TMOD2: variants seen among roughly 807,000 people sequenced by gnomAD.
The protein encoded by TMOD2 is tropomodulin 2, also known as tropomodulin-2.
TMOD2 carries 22 observed loss-of-function variants against 39.9 expected under a neutral mutation model. That is an observed-to-expected ratio of 0.55 (90% CI 0.39 to 0.79). The LOEUF (loss-of-function observed/expected upper bound fraction) is 0.79, where lower values mean the gene tolerates loss of function less well. Ranked by LOEUF, TMOD2 falls within the 30% of genes least tolerant of loss-of-function variation. The probability of loss-of-function intolerance (pLI) is 0.00; values close to 1 mark genes in which losing one functional copy is unlikely to be tolerated. For synonymous variants in TMOD2, 123 were observed against 146.1 expected, an observed-to-expected ratio of 0.84 and a Z score of 1.14; for missense variants, 386 against 413.3, an observed-to-expected ratio of 0.93 and a Z score of 0.57.
Position 51,798,180 on chromosome 15 carries a change from T to TC in TMOD2, c.733-16dup, listed in dbSNP as rs371377785. 3.5e-5 allele frequency: 55 copies of TC among 1,566,012 alleles called. No homozygotes were observed. The African/African-American group carries it at 5.1e-4, about 15-fold the overall frequency. The stretch of plus-strand genomic sequence containing the variant: ...TTCTAACTTAATTCTAAGTTTTTTT[T>TC]CTTTTTGCATCATAAGGCTTTTGCA... On this transcript the variant is annotated splice_polypyrimidine_tract_variant and intron_variant, in intron 7 of 9. Transcript: ENST00000249700.
rs111516658 is a variant in TMOD2 at position 51,757,244 on chromosome 15, A to G, written c.-70+5532A>G. 9.2e-3 allele frequency among the ~76,000 whole-genome samples: 1,396 copies of G among 152,168 alleles called. 14 individuals are homozygous for G. The highest frequency in any genetic ancestry group is 0.018 in the African/African-American group (761 of 41,524). ...TGGTGAAACCCCGTCTCTACTAAAA[A>G]TACAAAAATTAGCTGGGCGTGGTGG... On this transcript the variant is annotated intron_variant, in intron 1 of 9. Transcript: ENST00000249700.
At chr15:51,788,025 G>C (rs2055982969) in intron 7 of TMOD2, among the ~76,000 whole-genome samples, 1 of 152,204 alleles carries the variant, frequency 6.6e-6, no homozygotes, top group Non-Finnish European at 1.5e-5. Flanking sequence ...ACAGAAGTAA[G>C]CTTCAGAAGG....
intron 6 of TMOD2, among the ~76,000 whole-genome samples, chr15:51,781,421 C>T (rs1056573920): frequency 2.6e-5 from 4 of 152,200 alleles, no homozygotes; most frequent in African/African-American, 9.7e-5. Context: ...TAACAAATTA[C>T]TCCAAAACTT....
rs547730151 is a variant in TMOD2 at position 51,777,492 on chromosome 15, A to G, written c.493+474A>G. Among the ~76,000 whole-genome samples the G allele has an allele frequency of 4.6e-5, 7 of 152,314 alleles. No homozygotes were observed. The East Asian group carries it at 1.3e-3, about 29-fold the overall frequency. On this transcript the variant is annotated intron_variant, in intron 5 of 9. Coordinates refer to ENST00000249700, the MANE Select transcript of TMOD2 (RefSeq NM_014548.4). ...TGAATGTCCACTTCCCTCAGAGGGC[A>G]TGAAAGACACGCTGGCATGGACTTA... is the stretch of plus-strand genomic sequence containing the variant.
rs1474393962 is a variant in TMOD2, at chr15:51,813,740, A to G, written c.*5286A>G. 6.6e-6 allele frequency: 1 copy of G among 152,238 alleles called. No homozygotes were observed. Among genetic ancestry groups the G allele is most frequent in the Non-Finnish European group, 1.5e-5 (1 of 68,040 alleles). 9.4% of individuals were successfully genotyped at this position (152,238 alleles called of 1,614,324 possible). A position where few individuals can be genotyped will look rare whatever the true frequency, so the allele number is the denominator to read the frequency against. On this transcript the variant is annotated 3_prime_UTR_variant, in exon 10 of 10. Coordinates refer to ENST00000249700, the MANE Select transcript of TMOD2 (RefSeq NM_014548.4). ...CTCAAGCCTAAGGTTCTTCAGCTAT[A>G]AAATGGGAATAATACTTCACTAACT... is the stretch of plus-strand genomic sequence containing the variant.
At chr15:51,752,117 C>T (rs1232101730) in intron 1 of TMOD2, among the ~76,000 whole-genome samples, 3 of 152,144 alleles carry the variant, frequency 2.0e-5, no homozygotes, top group East Asian at 1.9e-4. Context: ...GCTCCTGGAG[C>T]GGTATGCATC....
chr15:51,792,323 A>C (rs1443759696), intron 7 of TMOD2, among the ~76,000 whole-genome samples: 1 of 152,234 alleles, frequency 6.6e-6, no homozygotes, highest in Non-Finnish European at 1.5e-5. Context: ...ATACCATCTC[A>C]TGCCGGTTAG....
chr15:51,806,036 A>G (rs1020035405), intron 8 of TMOD2, among the ~76,000 whole-genome samples: 1 of 152,270 alleles, frequency 6.6e-6, no homozygotes, highest in Admixed American at 6.5e-5. Flanking sequence ...CCCTTTGTTT[A>G]AACCACAGAT....
In TMOD2 at chr15:51,808,856, G is replaced by T. The variant is rs1039757451; in HGVS notation, c.*402G>T. On this transcript the variant is annotated 3_prime_UTR_variant, in exon 10 of 10. Coordinates refer to ENST00000249700, the MANE Select transcript of TMOD2 (RefSeq NM_014548.4). Reference sequence around the variant, plus strand: ...AGGCCTATCTCTGTTTACATGCATAGCTTTGAGTTAGGCTAAATACATCAG... The same window carrying T: ...AGGCCTATCTCTGTTTACATGCATATCTTTGAGTTAGGCTAAATACATCAG... 1 of 159,358 alleles carries T rather than the reference G, an allele frequency of 6.3e-6. No homozygotes were observed. Among genetic ancestry groups the T allele is most frequent in the African/African-American group, 2.4e-5 (1 of 41,574 alleles). 9.9% of individuals were successfully genotyped at this position (159,358 alleles called of 1,614,324 possible).
chr15:51,781,821 AGAGTGTGT>A (rs1384127774), intron 6 of TMOD2, among the ~76,000 whole-genome samples: 11 of 149,558 alleles, frequency 7.4e-5, no homozygotes, highest in Admixed American at 6.7e-5. Context: ...AGAGAGAGAG[AGAGTGTGT>A]GTGTGTGTGT....
At chr15:51,758,683 A>G (rs943230197) in intron 1 of TMOD2, among the ~76,000 whole-genome samples, 1 of 152,250 alleles carries the variant, frequency 6.6e-6, no homozygotes, top group Non-Finnish European at 1.5e-5. Flanking sequence ...GTTGTAATAA[A>G]GCCAAGAACA....
At chr15:51,792,305 A>G (rs1180441411) in intron 7 of TMOD2, among the ~76,000 whole-genome samples, 1 of 152,220 alleles carries the variant, frequency 6.6e-6, no homozygotes, top group Non-Finnish European at 1.5e-5. Context: ...AATCAAAACC[A>G]CAATGAGATA....
At chr15:51,778,047 T>C (rs924364543) in intron 5 of TMOD2, among the ~76,000 whole-genome samples, 2 of 151,460 alleles carry the variant, frequency 1.3e-5, no homozygotes, top group Non-Finnish European at 2.9e-5. Flanking sequence ...CGTATGTTTA[T>C]TGCGGCACTA....
rs558093603 is a variant in TMOD2, at chr15:51,768,676, C to T, written c.283+258C>T. ...CTGGATTCAGTATTTATTTTATTGT[C>T]GTGGAGGGTCAAGCAAGGGAACTGT... On this transcript the variant is annotated intron_variant, in intron 3 of 9. Coordinates refer to ENST00000249700, the MANE Select transcript of TMOD2 (RefSeq NM_014548.4). 1.6e-4 allele frequency among the ~76,000 whole-genome samples: 24 copies of T among 149,084 alleles called. 1 individual carries two copies. The highest frequency in any genetic ancestry group is 2.4e-4 in the Non-Finnish European group (16 of 67,664).
intron 1 of TMOD2, chr15:51,756,385 A>G (rs1290859402): frequency 6.6e-6 from 1 of 152,248 alleles, no homozygotes; most frequent in Admixed American, 6.5e-5. Context: ...ACGAAAGAGA[A>G]ATAGCTTTGA....
At chr15:51,785,634 G>A (rs1249540559) in intron 7 of TMOD2, among the ~76,000 whole-genome samples, 1 of 152,068 alleles carries the variant, frequency 6.6e-6, no homozygotes, top group Non-Finnish European at 1.5e-5. Flanking sequence ...TGGTTCTCAT[G>A]GAGGTAAAGA....
chr15:51,757,572 T>TCC (rs2055751174), intron 1 of TMOD2, among the ~76,000 whole-genome samples: 7 of 152,222 alleles, frequency 4.6e-5, no homozygotes, highest in African/African-American at 1.7e-4. Context: ...CCACCAGGAC[T>TCC]CCTGGAAGCC....
rs1272153436 is a variant in TMOD2 at position 51,812,054 on chromosome 15, G to T, written c.*3600G>T. On this transcript the variant is annotated 3_prime_UTR_variant, in exon 10 of 10. Transcript: ENST00000249700. The stretch of plus-strand genomic sequence containing the variant: ...ATAAAGATCATCAAATACCATAATG[G>T]GGTATTTGGCTTCATCTGGAAAATT... 1 of 151,318 alleles carries T rather than the reference G, an allele frequency of 6.6e-6. No homozygotes were observed. Among genetic ancestry groups the T allele is most frequent in the Non-Finnish European group, 1.5e-5 (1 of 67,864 alleles). The allele number at this position is 151,318 out of a possible 1,614,324, so 9.4% of individuals were successfully genotyped here.
At chr15:51,756,641 T>A (rs1262436521) in intron 1 of TMOD2, among the ~76,000 whole-genome samples, 1 of 152,226 alleles carries the variant, frequency 6.6e-6, no homozygotes. Flanking sequence ...AGTGGGCACC[T>A]TGTTTTTCAA....
Sources: gnomAD v4.1 joint callset for allele counts (sites outside exome capture counted in the v4.1 genomes callset) on GRCh38, gnomAD v4.1.1 for gene constraint, MANE v1.5 for transcripts, NCBI Gene and HGNC (gene_info 2026-07-23, HGNC 2026-07-21) for gene names.